The following TMEM182 variants were observed in gnomAD, a reference collection of about 807,000 sequenced individuals.
TMEM182 encodes the protein transmembrane protein 182.
Under a neutral mutation model 26.8 loss-of-function variants are expected in TMEM182, and 20 were observed. That is an observed-to-expected ratio of 0.75 (90% confidence interval 0.53 to 1.09). The LOEUF (loss-of-function observed/expected upper bound fraction) is 1.09. Ranked by LOEUF, TMEM182 falls within the 50% of genes least tolerant of loss-of-function variation. The pLI is 0.00. For missense variants in TMEM182, 277 were observed against 275.5 expected (o/e 1.01, Z -0.04); for synonymous variants, 109 against 102.2 (o/e 1.07, Z -0.40).
intron 1 of TMEM182, among the ~76,000 whole-genome samples, chr2:102,749,639 T>C (rs1020608398): frequency 1.3e-5 from 2 of 152,192 alleles, no homozygotes; most frequent in Non-Finnish European, 2.9e-5. Context: ...AATCATCTGG[T>C]GTGAAACAAT....
chr2:102,815,367 G>C lies in TMEM182; in HGVS notation c.*399G>C. On this transcript the variant is annotated 3_prime_UTR_variant, in exon 5 of 5. Coordinates refer to ENST00000412401, the MANE Select transcript of TMEM182 (RefSeq NM_144632.5). The stretch of plus-strand genomic sequence containing the variant: ...AAAAAAATCCTTGAAGAATAATTAA[G>C]AATGGGCAAGGTTGTCAGAGAATTT... 3.0e-6 allele frequency: 3 copies of C among 998,598 alleles called. No homozygotes were observed. Among genetic ancestry groups the C allele is most frequent in the Non-Finnish European group, 3.6e-6 (3 of 838,760 alleles). 61.9% of individuals were successfully genotyped at this position (998,598 alleles called of 1,614,324 possible).
downstream of TMEM182, among the ~76,000 whole-genome samples, chr2:102,818,404 G>A (rs1044107506): frequency 6.6e-6 from 1 of 152,124 alleles, no homozygotes; most frequent in African/African-American, 2.4e-5. Context: ...CATTTAATTT[G>A]GTTAGCAGGG....
intron 1 of TMEM182, among the ~76,000 whole-genome samples, chr2:102,743,874 C>G (rs1158645641): frequency 6.6e-6 from 1 of 152,126 alleles, no homozygotes; most frequent in East Asian, 1.9e-4. Context: ...GAAAAGAGTA[C>G]TGCATAACGA....
intron 4 of TMEM182, among the ~76,000 whole-genome samples, chr2:102,801,066 C>A (rs1024397437): frequency 6.6e-6 from 1 of 151,508 alleles, no homozygotes; most frequent in African/African-American, 2.4e-5. Flanking sequence ...TTTAAATGAA[C>A]CTTGTGTTGC....
At position 102,826,367 on chromosome 2, in the gene TMEM182, T is replaced by C. The variant is rs898157149; in HGVS notation, c.326-17045T>C. 2.0e-5 allele frequency among the ~76,000 whole-genome samples: 3 copies of C among 150,014 alleles called. No individual in the cohort carries two copies. The Admixed American group carries it at 2.0e-4, about 10-fold the overall frequency. The stretch of plus-strand genomic sequence containing the variant: ...TTCATTAGAGCGGCGGTGGGGGCTA[T>C]TGTGGTTTAGAGAGAGGTCCCTGGA... On this transcript the variant is annotated intron_variant, in intron 3 of 3. Transcript: ENST00000486293.
intron 1 of TMEM182, among the ~76,000 whole-genome samples, chr2:102,749,819 A>T (rs1208485039): frequency 1.3e-5 from 2 of 152,146 alleles, no homozygotes; most frequent in African/African-American, 4.8e-5. Context: ...TTCAAAATTA[A>T]TTATAATTTT....
chr2:102,834,777 C>T (rs1033127525), intron 3 of TMEM182, among the ~76,000 whole-genome samples: 5 of 152,100 alleles, frequency 3.3e-5, no homozygotes, highest in East Asian at 1.9e-4. Flanking sequence ...CTTGAACTCT[C>T]GATTTATTAC....
intron 3 of TMEM182, among the ~76,000 whole-genome samples, chr2:102,841,184 C>T (rs1384452216): frequency 1.3e-5 from 2 of 152,126 alleles, no homozygotes; most frequent in African/African-American, 2.4e-5. Context: ...GTCCTCTGCA[C>T]GTGACAGTCC....
At chr2:102,821,928 C>T (rs1682924629), downstream of TMEM182, among the ~76,000 whole-genome samples, 1 of 149,966 alleles carries the variant, frequency 6.7e-6, no homozygotes, top group African/African-American at 2.5e-5. Context: ...GCAGAGCTTG[C>T]AGTGAGCTGA....
intron 3 of TMEM182, among the ~76,000 whole-genome samples, chr2:102,828,921 G>A (rs1307375662): frequency 6.6e-6 from 1 of 152,206 alleles, no homozygotes; most frequent in Non-Finnish European, 1.5e-5. Context: ...TTGATTTCCA[G>A]CAAATAAGGG....
chr2:102,769,506 A>G (rs1285836983), intron 3 of TMEM182, among the ~76,000 whole-genome samples: 1 of 152,112 alleles, frequency 6.6e-6, no homozygotes, highest in Non-Finnish European at 1.5e-5. Flanking sequence ...TTTTATATGC[A>G]TATTATATTC....
chr2:102,833,562 A>C (rs1396685848), intron 3 of TMEM182, among the ~76,000 whole-genome samples: 1 of 152,236 alleles, frequency 6.6e-6, no homozygotes, highest in Non-Finnish European at 1.5e-5. Flanking sequence ...CTCAAAACTA[A>C]GTTAACCTTG....
At chr2:102,752,272 C>T (rs1027645365) in intron 1 of TMEM182, among the ~76,000 whole-genome samples, 3 of 152,184 alleles carry the variant, frequency 2.0e-5, no homozygotes. Flanking sequence ...TAGAACAGAG[C>T]TGGAGACAGT....
Position 102,816,564 on chromosome 2 carries a change from A to G in TMEM182, c.*1596A>G. 1.0e-6 allele frequency: 1 copy of G among 982,744 alleles called. No individual in the cohort carries two copies. The highest frequency in any genetic ancestry group is 1.2e-6 in the Non-Finnish European group (1 of 828,440). The allele number at this position is 982,744 out of a possible 1,614,324, so 60.9% of individuals were successfully genotyped here. The stretch of plus-strand genomic sequence containing the variant: ...ATAATAATAAAGCTCCAGAGGCCTA[A>G]CTGGTTTCTCAAGTCATTTCAGTGA... On this transcript the variant is annotated 3_prime_UTR_variant, in exon 5 of 5. Transcript: ENST00000412401.
chr2:102,738,307 A>G (rs1307191805), intron 1 of TMEM182, among the ~76,000 whole-genome samples: 1 of 152,174 alleles, frequency 6.6e-6, no homozygotes, highest in Non-Finnish European at 1.5e-5. Context: ...AAGAATTGGA[A>G]GTCACGGCCA....
rs796766360 is a variant in TMEM182, at chr2:102,785,830, TA to T, written c.332-12028del. On this transcript the variant is annotated intron_variant, in intron 3 of 4. Transcript: ENST00000412401. Reference sequence around the variant, plus strand: ...TTAGATGTTTATGAGGCAAATCACCTAAAAATTATGAAAATGAAGACTCAGG... The same window carrying T: ...TTAGATGTTTATGAGGCAAATCACCTAAAATTATGAAAATGAAGACTCAGG... Among the ~76,000 whole-genome samples, 38 of 152,274 alleles carry T rather than the reference TA, an allele frequency of 2.5e-4. 1 individual carries two copies. Among genetic ancestry groups the T allele is most frequent in the African/African-American group, 8.4e-4 (35 of 41,556 alleles).
At chr2:102,831,457 A>G (rs555069366) in intron 3 of TMEM182, among the ~76,000 whole-genome samples, 5 of 152,324 alleles carry the variant, frequency 3.3e-5, no homozygotes, top group Admixed American at 2.0e-4. Context: ...CAGTCATCTT[A>G]AAAGAAGAAG....
rs745812157 is a variant in TMEM182, at chr2:102,814,755, A to G, written c.477A>G (p.Leu159=). The G allele has an allele frequency of 9.9e-6, 16 of 1,612,670 alleles. No individual in the cohort carries two copies. In the Admixed American group the frequency reaches 1.8e-4, roughly 19 times the overall value. The change falls in exon 5 of 5, where the codon CTA becomes CTG. Residue 159 remains leucine, a synonymous_variant. Coordinates refer to ENST00000412401, the MANE Select transcript of TMEM182 (RefSeq NM_144632.5). ...GGGSYIAAGI[L]FSLVVMLYVI... ...CTGTTTCATCCTTCTCAGGCATCCT[A>G]TTTTCATTGGTGGTGATGCTGTATG...
intron 3 of TMEM182, among the ~76,000 whole-genome samples, chr2:102,829,550 G>T (rs775692394): frequency 2.0e-5 from 3 of 152,134 alleles, no homozygotes; most frequent in Non-Finnish European, 4.4e-5. Context: ...TGTGCCAAGA[G>T]TCACCATGGA....
Sources: gnomAD v4.1 joint callset for allele counts (sites outside exome capture counted in the v4.1 genomes callset) on GRCh38, gnomAD v4.1.1 for gene constraint, MANE v1.5 for transcripts, NCBI Gene and HGNC (gene_info 2026-07-23, HGNC 2026-07-21) for gene names.